SUMF1: variants seen among roughly 807,000 people sequenced by gnomAD.
SUMF1 encodes the protein sulfatase modifying factor 1, also known as formylglycine-generating enzyme.
Under a neutral mutation model 47.6 loss-of-function variants are expected in SUMF1, and 48 were observed. The ratio of observed to expected loss-of-function variants is 1.01; its 90% CI spans 0.80 to 1.28. SUMF1 has a LOEUF of 1.28. Among genes scored for constraint, SUMF1 ranks in the 50% most tolerant of loss-of-function variants. The pLI is 0.00. For synonymous variants in SUMF1, 230 were observed against 192.1 expected, an observed-to-expected ratio of 1.20 and a Z score of -1.63; for missense variants, 571 against 485.4, an observed-to-expected ratio of 1.18 and a Z score of -1.66.
chr3:4,206,149 C>G (rs1378926854), intron 8 of SUMF1, among the ~76,000 whole-genome samples: 1 of 151,246 alleles, frequency 6.6e-6, no homozygotes, highest in Non-Finnish European at 1.5e-5. Context: ...AGGACAAAGT[C>G]CTCTTTCCTC....
intron 7 of SUMF1, among the ~76,000 whole-genome samples, chr3:4,390,363 G>A (rs184083431): frequency 1.7e-4 from 26 of 152,262 alleles, no homozygotes; most frequent in African/African-American, 6.3e-4. Context: ...GAGGGTACAA[G>A]CCTAGACTCC....
At chr3:4,149,129 A>G (rs1028370622) in intron 8 of SUMF1, among the ~76,000 whole-genome samples, 3 of 152,088 alleles carry the variant, frequency 2.0e-5, no homozygotes. Context: ...CTTTCCTCAC[A>G]TGAGCGTTTT....
intron 8 of SUMF1, among the ~76,000 whole-genome samples, chr3:4,201,793 G>C (rs1182343400): frequency 6.6e-6 from 1 of 151,820 alleles, no homozygotes. Flanking sequence ...CCACATCCTT[G>C]CCATGTCTTT....
rs546669708 is a variant in SUMF1 at position 4,394,647 on chromosome 3, C to T, written c.954+16218G>A. 3.3e-5 allele frequency among the ~76,000 whole-genome samples: 5 copies of T among 152,300 alleles called. No homozygotes were observed. The East Asian group carries it at 9.6e-4, about 29-fold the overall frequency. ...TTATGTTTCTCGTTAGGATGTGCTA[C>T]AGAAGACATTTACTAAGCAACCTAG... On this transcript the variant is annotated intron_variant, in intron 7 of 8. Transcript: ENST00000272902.
At chr3:4,136,321 T>C (rs1199022367) in intron 8 of SUMF1, among the ~76,000 whole-genome samples, 1 of 151,872 alleles carries the variant, frequency 6.6e-6, no homozygotes, top group African/African-American at 2.4e-5. Context: ...ATACCACACA[T>C]CTACAACCAT....
chr3:4,054,532 T>C (rs1695160865), intron 9 of SUMF1, among the ~76,000 whole-genome samples: 1 of 152,142 alleles, frequency 6.6e-6, no homozygotes, highest in South Asian at 2.1e-4. Context: ...AAATATTTTA[T>C]TCAGGTGTAT....
chr3:4,316,766 C>A, intron 8 of SUMF1: 1 of 1,550,784 alleles, frequency 6.4e-7, no homozygotes, highest in South Asian at 1.2e-5. Flanking sequence ...CAAAGCCAAT[C>A]TTGCACCCAA....
At chr3:4,046,007 C>A (rs923484795) in intron 9 of SUMF1, among the ~76,000 whole-genome samples, 3 of 152,112 alleles carry the variant, frequency 2.0e-5, no homozygotes, top group African/African-American at 7.2e-5. Flanking sequence ...GCTATGATTG[C>A]ACCACTACTG....
intron 7 of SUMF1, among the ~76,000 whole-genome samples, chr3:4,379,057 T>G (rs1559258912): frequency 6.6e-6 from 1 of 152,192 alleles, no homozygotes; most frequent in Non-Finnish European, 1.5e-5. Flanking sequence ...CAGTCCTCAA[T>G]TTAGGTGACT....
chr3:4,202,573 G>A (rs1416786619), intron 8 of SUMF1, among the ~76,000 whole-genome samples: 1 of 151,714 alleles, frequency 6.6e-6, no homozygotes, highest in Non-Finnish European at 1.5e-5. Flanking sequence ...TGTTCCAAAT[G>A]GCTTTGGCTA....
chr3:4,298,358 C>A, intron 8 of SUMF1, among the ~76,000 whole-genome samples: 1 of 152,134 alleles, frequency 6.6e-6, no homozygotes, highest in East Asian at 1.9e-4. Context: ...CTGCAAACAT[C>A]CTCTCATTAT....
Position 4,391,949 on chromosome 3 carries a change from G to A in SUMF1, c.955-15560C>T, listed in dbSNP as rs531741955. Among the ~76,000 whole-genome samples, 43 of 151,524 alleles carry A rather than the reference G, an allele frequency of 2.8e-4. 2 individuals are homozygous for A. The South Asian group carries it at 6.3e-3, about 22-fold the overall frequency. On this transcript the variant is annotated intron_variant, in intron 7 of 8. Transcript: ENST00000272902. The stretch of plus-strand genomic sequence containing the variant: ...GTTCAGGTGATCCTGCCACCTCAGC[G>A]TCCCAAGTAGTTAGGACTACAGATG...
intron 8 of SUMF1, among the ~76,000 whole-genome samples, chr3:4,289,353 G>C (rs1697696021): frequency 6.6e-6 from 1 of 152,148 alleles, no homozygotes. Flanking sequence ...AATCCTATGA[G>C]ACTGGCATTA....
intron 8 of SUMF1, among the ~76,000 whole-genome samples, chr3:4,120,905 A>G (rs1693526353): frequency 6.6e-6 from 1 of 152,162 alleles, no homozygotes; most frequent in East Asian, 1.9e-4. Flanking sequence ...CTATTTTCTC[A>G]TTGGTAAGAT....
chr3:4,168,352 G>A (rs983990780), intron 8 of SUMF1, among the ~76,000 whole-genome samples: 1 of 152,106 alleles, frequency 6.6e-6, no homozygotes. Context: ...ATTTGCCCAA[G>A]GATAAATATA....
intron 8 of SUMF1, among the ~76,000 whole-genome samples, chr3:4,179,479 C>A (rs775992102): frequency 1.3e-5 from 2 of 152,132 alleles, no homozygotes; most frequent in Non-Finnish European, 2.9e-5. Flanking sequence ...AACTGGCTAG[C>A]TATACGTAGA....
chr3:4,269,590 G>C (rs1006583609), intron 8 of SUMF1, among the ~76,000 whole-genome samples: 2 of 152,168 alleles, frequency 1.3e-5, no homozygotes, highest in Non-Finnish European at 2.9e-5. Flanking sequence ...CTACAGGACA[G>C]AGGAGAGTTA....
chr3:4,067,471 G>T (rs1695404350), intron 9 of SUMF1, among the ~76,000 whole-genome samples: 2 of 152,148 alleles, frequency 1.3e-5, no homozygotes, highest in South Asian at 4.1e-4. Context: ...ACATGATAAT[G>T]CCAATGAATT....
chr3:4,453,557 G>T (rs1431486632), intron 1 of SUMF1, among the ~76,000 whole-genome samples: 3 of 149,860 alleles, frequency 2.0e-5, no homozygotes, highest in Non-Finnish European at 4.4e-5. Context: ...TTTTGAGACG[G>T]AGTCTTGCTC....
Sources: allele counts gnomAD v4.1 joint callset (sites outside exome capture counted in the v4.1 genomes callset), GRCh38; gene constraint gnomAD v4.1.1; transcripts MANE v1.5; gene names NCBI Gene and HGNC (gene_info 2026-07-23, HGNC 2026-07-21).